The following PCDHGA4 variants were observed in gnomAD, a reference collection of about 807,000 sequenced individuals.
The protein encoded by PCDHGA4 is protocadherin gamma-A4.
PCDHGA4 carries 38 observed loss-of-function variants against 54.6 expected under a neutral mutation model. The observed-to-expected ratio is 0.70, with a 90% CI of 0.54 to 0.91. The LOEUF is 0.91. PCDHGA4 is among the 40% of genes least tolerant of loss of function. The pLI, the probability that PCDHGA4 is intolerant of heterozygous loss-of-function variation, is 0.00. For synonymous variants in PCDHGA4, 511 were observed against 512.9 expected (o/e 1.00, Z 0.05); for missense variants, 1,298 against 1,220.9 (o/e 1.06, Z -0.94).
chr5:141,422,151 G>A (rs763343536), intron 1 of PCDHGA4: 1 of 1,575,938 alleles, frequency 6.3e-7, no homozygotes, highest in Admixed American at 2.0e-5. Flanking sequence ...GGGGGTCTCT[G>A]GATTTTGAAA....
At chr5:141,366,918 A>G in intron 1 of PCDHGA4, 1 of 1,091,754 alleles carries the variant, frequency 9.2e-7, no homozygotes, top group Non-Finnish European at 1.3e-6. Context: ...TTTGTTTTCA[A>G]ATTCTGTTTT....
At chr5:141,374,080 A>T in intron 1 of PCDHGA4, 1 of 1,520,068 alleles carries the variant, frequency 6.6e-7, no homozygotes. Context: ...CTAATAAGCC[A>T]GTAATGGCGC....
At chr5:141,364,869 T>G (rs1187168738) in intron 1 of PCDHGA4, 1 of 1,613,998 alleles carries the variant, frequency 6.2e-7, no homozygotes, top group East Asian at 2.2e-5. Flanking sequence ...CACTTCTCTC[T>G]GGATGTGGTA....
At chr5:141,366,418 A>C (rs371439517) in intron 1 of PCDHGA4, 1 of 1,614,106 alleles carries the variant, frequency 6.2e-7, no homozygotes, top group East Asian at 2.2e-5. Context: ...TTGTGGTGGC[A>C]GTGGCTGCAG....
chr5:141,476,726 C>T lies in PCDHGA4; in HGVS notation c.2515-18081C>T. On this transcript the variant is annotated intron_variant, in intron 1 of 3. Coordinates refer to ENST00000571252, the MANE Select transcript of PCDHGA4 (RefSeq NM_018917.4). This position sits in a 1 kb window ranked among gnomAD's most constrained non-coding sequence, Gnocchi z 7.6. ...GCTGGTGTTGGAGCGCGCCCTGGAC[C>T]GAGAACGGGAGCCTAGTCTCCAGTT... The T allele has an allele frequency of 6.2e-7, 1 of 1,614,116 alleles. No homozygotes were observed. The highest frequency in any genetic ancestry group is 8.5e-7 in the Non-Finnish European group (1 of 1,180,028).
At chr5:141,413,034 G>C in intron 1 of PCDHGA4, 1 of 783,270 alleles carries the variant, frequency 1.3e-6, no homozygotes, top group East Asian at 2.8e-5. Context: ...CAAACCGGCT[G>C]CTGGGCTGCA....
intron 1 of PCDHGA4, among the ~76,000 whole-genome samples, chr5:141,450,968 G>A (rs756891993): frequency 5.5e-4 from 84 of 151,848 alleles, no homozygotes; most frequent in Non-Finnish European, 9.0e-4. Context: ...GGGATTACAG[G>A]CATGTGCCAC....
In PCDHGA4 at chr5:141,477,073, G is replaced by A. The variant is rs755445666; in HGVS notation, c.2515-17734G>A. The A allele has an allele frequency of 1.2e-6, 2 of 1,614,264 alleles. No homozygotes were observed. The highest frequency in any genetic ancestry group is 2.2e-5 in the East Asian group (1 of 44,882). On this transcript the variant is annotated intron_variant, in intron 1 of 3. Coordinates refer to ENST00000571252, the MANE Select transcript of PCDHGA4 (RefSeq NM_018917.4). This position sits in a 1 kb window ranked among gnomAD's most constrained non-coding sequence, Gnocchi z 4.9. ...ACTTCGAGGACACCAAACTCCATGA[G>A]ATTTACATCCAGGCCAAAGACAAGG...
At chr5:141,460,047 C>T (rs2098981053) in intron 1 of PCDHGA4, among the ~76,000 whole-genome samples, 1 of 152,102 alleles carries the variant, frequency 6.6e-6, no homozygotes. Context: ...CACTGCACTC[C>T]AGCCTGGGCA....
intron 1 of PCDHGA4, among the ~76,000 whole-genome samples, chr5:141,471,887 G>T (rs1215891997): frequency 6.6e-6 from 1 of 152,152 alleles, no homozygotes; most frequent in African/African-American, 2.4e-5. Context: ...CTGAAGCTAG[G>T]AAGATTGACT....
chr5:141,405,407 C>G, intron 1 of PCDHGA4: 2 of 1,582,052 alleles, frequency 1.3e-6, no homozygotes, highest in Non-Finnish European at 1.7e-6. Flanking sequence ...TCTTTCTTTT[C>G]TTTTTTTGTT....
rs2154586601 is a variant in PCDHGA4, at chr5:141,491,555, A to G, written c.2515-3252A>G. The G allele has an allele frequency of 6.2e-7, 1 of 1,613,986 alleles. No homozygotes were observed. The highest frequency in any genetic ancestry group is 2.2e-5 in the East Asian group (1 of 44,862). ...CTGCGGCCCACAGACTCGCAGAGCC[A>G]CTGCTACAGGACGTGCTTTTCACCG... On this transcript the variant is annotated intron_variant, in intron 1 of 3. Transcript: ENST00000571252. This position sits in a 1 kb window ranked among gnomAD's most constrained non-coding sequence, Gnocchi z 6.9.
intron 1 of PCDHGA4, chr5:141,411,444 T>C (rs1589800236): frequency 6.8e-6 from 1 of 147,662 alleles, no homozygotes; most frequent in African/African-American, 2.5e-5. Context: ...ATTAGCAGAG[T>C]GTGGTAGCAT....
chr5:141,365,713 C>G, intron 1 of PCDHGA4: 1 of 1,613,760 alleles, frequency 6.2e-7, no homozygotes, highest in East Asian at 2.2e-5. Context: ...CCACCTCTGT[C>G]ACAGAAAACA....
At chr5:141,394,243 A>G (rs2092952699) in intron 1 of PCDHGA4, 2 of 1,613,844 alleles carry the variant, frequency 1.2e-6, no homozygotes, top group East Asian at 4.5e-5. Context: ...TTGACTGCAC[A>G]CGACCCCGAC....
intron 1 of PCDHGA4, chr5:141,398,750 A>G (rs144881560): frequency 1.1e-5 from 17 of 1,613,502 alleles, no homozygotes; most frequent in Middle Eastern, 1.6e-4. Flanking sequence ...CAGAGTTACC[A>G]TCGTTTAGTC....
intron 1 of PCDHGA4, among the ~76,000 whole-genome samples, chr5:141,382,039 G>T (rs2150197834): frequency 6.6e-6 from 1 of 151,922 alleles, no homozygotes; most frequent in Non-Finnish European, 1.5e-5. Flanking sequence ...ATGTTGGTCA[G>T]GCTGGTCTCA....
At chr5:141,482,234 A>G (rs11748256) in intron 1 of PCDHGA4, among the ~76,000 whole-genome samples, 44,758 of 152,044 alleles carry the variant, frequency 0.29, 7,110 homozygotes, top group African/African-American at 0.42. Context: ...GAAATTGCCA[A>G]TATAAGTATA....
intron 1 of PCDHGA4, chr5:141,383,056 G>A (rs768364409): frequency 4.3e-6 from 7 of 1,613,906 alleles, no homozygotes; most frequent in Non-Finnish European, 5.9e-6. Context: ...CAAGGACCTG[G>A]GGCTGGAGCC....
Sources: allele counts gnomAD v4.1 joint callset (sites outside exome capture counted in the v4.1 genomes callset), GRCh38; gene constraint gnomAD v4.1.1; non-coding constraint Gnocchi (gnomAD v3.1); transcripts MANE v1.5; gene names NCBI Gene and HGNC (gene_info 2026-07-23, HGNC 2026-07-21).